PROKR1: variants seen among roughly 807,000 people sequenced by gnomAD.
PROKR1 encodes prokineticin receptor 1, also known as G protein-coupled receptor 73.
PROKR1 carries 21 observed loss-of-function variants against 22.8 expected under a neutral mutation model. The ratio of observed to expected loss-of-function variants is 0.92; its 90% CI spans 0.65 to 1.32. PROKR1 has a LOEUF of 1.32. Ranked by LOEUF, PROKR1 falls within the 40% of genes most tolerant of loss-of-function variation. The pLI is 0.00. For synonymous variants in PROKR1, 193 were observed against 207.5 expected, an observed-to-expected ratio of 0.93 and a Z score of 0.60; for missense variants, 548 against 514.2, an observed-to-expected ratio of 1.07 and a Z score of -0.64.
intron 2 of PROKR1, among the ~76,000 whole-genome samples, chr2:68,651,086 G>A (rs1164470170): frequency 6.6e-6 from 1 of 152,200 alleles, no homozygotes; most frequent in East Asian, 1.9e-4. Context: ...ATGAGGCCAG[G>A]TGTGGTGGCT....
At position 68,645,721 on chromosome 2, in the gene PROKR1, T is replaced by C; in HGVS notation, c.-101T>C. 6.5e-7 allele frequency: 1 copy of C among 1,533,772 alleles called. No homozygotes were observed. Among genetic ancestry groups the C allele is most frequent in the South Asian group, 1.1e-5 (1 of 88,796 alleles). On this transcript the variant is annotated 5_prime_UTR_variant, in exon 2 of 3. Transcript: ENST00000303786. Reference sequence around the variant, plus strand: ...ATGCTGGCAGAGACATTCTGACTCATTAAGGGAGAGCTGGCTGATAGCAGA... The same window carrying C: ...ATGCTGGCAGAGACATTCTGACTCACTAAGGGAGAGCTGGCTGATAGCAGA...
intron 2 of PROKR1, among the ~76,000 whole-genome samples, 157 bp downstream of exon 2, chr2:68,646,463 CAGTG>C (rs1431787571): frequency 6.6e-6 from 1 of 152,242 alleles, no homozygotes; most frequent in African/African-American, 2.4e-5. Flanking sequence ...CATTGACTGA[CAGTG>C]AGAAGAGTTC....
chr2:68,654,083 T>C (rs1238213436), intron 2 of PROKR1, among the ~76,000 whole-genome samples: 1 of 152,160 alleles, frequency 6.6e-6, no homozygotes, highest in East Asian at 1.9e-4. Context: ...CTCCTTTGCA[T>C]GCAAAGCAAC....
At chr2:68,648,412 T>C (rs112068784) in intron 2 of PROKR1, among the ~76,000 whole-genome samples, 1,755 of 152,238 alleles carry the variant, frequency 0.012, 22 homozygotes, top group Non-Finnish European at 0.019. Flanking sequence ...CAAAGGAAAT[T>C]AGATACAATA....
At chr2:68,650,213 TA>T (rs202217275) in intron 2 of PROKR1, among the ~76,000 whole-genome samples, 6,423 of 147,358 alleles carry the variant, frequency 0.044, 157 homozygotes, top group Non-Finnish European at 0.06. Context: ...ACTTAAAGTA[TA>T]AAAAAAAAAG....
At chr2:68,649,245 C>G (rs1268215049) in intron 2 of PROKR1, among the ~76,000 whole-genome samples, 1 of 152,156 alleles carries the variant, frequency 6.6e-6, no homozygotes, top group Non-Finnish European at 1.5e-5. Flanking sequence ...AGGCATCTAA[C>G]CTAGAAGAAA....
chr2:68,652,219 T>G (rs1280085569), intron 2 of PROKR1, among the ~76,000 whole-genome samples: 1 of 152,196 alleles, frequency 6.6e-6, no homozygotes, highest in Non-Finnish European at 1.5e-5. Flanking sequence ...GAGTGGACAT[T>G]GTCACTGTCT....
rs1050177501 is a variant in PROKR1 at position 68,655,292 on chromosome 2, T to G, written c.898T>G (p.Phe300Val). ...CGCCTACGTGCTATGCTGGGCGCCC[T>G]TCTACGGCTTCACCATCGTGCGCGA... ...LTAYVLCWAPFYGFTIVRDFF... is the reference protein window; with the variant it reads ...LTAYVLCWAPVYGFTIVRDFF... Residue 300 changes from phenylalanine (F) to valine (V), a missense_variant, in exon 3 of 3, where the codon TTC becomes GTC. By Grantham distance (50) the Phe-to-Val change is conservative (BLOSUM62 -1). Coordinates refer to ENST00000303786, the MANE Select transcript of PROKR1 (RefSeq NM_138964.4). 1 of 1,614,258 alleles carries G rather than the reference T, an allele frequency of 6.2e-7. No homozygotes were observed. Among genetic ancestry groups the G allele is most frequent in the African/African-American group, 1.3e-5 (1 of 75,078 alleles).
chr2:68,646,764 C>T (rs143938779), intron 2 of PROKR1, among the ~76,000 whole-genome samples: 33 of 152,302 alleles, frequency 2.2e-4, no homozygotes, highest in African/African-American at 7.9e-4. Context: ...GGATTTATGA[C>T]TGGCTGTGGT....
chr2:68,655,178 A>C lies in PROKR1; in HGVS notation c.784A>C (p.Lys262Gln), dbSNP rs371866033. The C allele has an allele frequency of 5.6e-6, 9 of 1,614,132 alleles. No individual in the cohort carries two copies. In the African/African-American group the frequency reaches 1.2e-4, roughly 22 times the overall value. ...YARISRELWF[K>Q]AVPGFQTEQI... Reference sequence around the variant, plus strand: ...CAGGATCTCCCGGGAGCTCTGGTTCAAGGCGGTCCCTGGATTCCAGACAGA... The same window carrying C: ...CAGGATCTCCCGGGAGCTCTGGTTCCAGGCGGTCCCTGGATTCCAGACAGA... Residue 262 changes from lysine (K) to glutamine (Q), a missense_variant, in exon 3 of 3, where the codon AAG becomes CAG. Lys to Gln is a moderately conservative substitution (Grantham distance 53). Coordinates refer to ENST00000303786, the MANE Select transcript of PROKR1 (RefSeq NM_138964.4).
At position 68,658,071 on chromosome 2, in the gene PROKR1, A is replaced by T. The variant is rs1344345486; in HGVS notation, c.*2495A>T. 1 of 152,226 alleles carries T rather than the reference A, an allele frequency of 6.6e-6. No homozygotes were observed. Among genetic ancestry groups the T allele is most frequent in the East Asian group, 1.9e-4 (1 of 5,208 alleles). 9.4% of individuals were successfully genotyped at this position (152,226 alleles called of 1,614,324 possible). A position where few individuals can be genotyped will look rare whatever the true frequency, so the allele number is the denominator to read the frequency against. On this transcript the variant is annotated 3_prime_UTR_variant, in exon 3 of 3. Transcript: ENST00000303786. Reference sequence around the variant, plus strand: ...ATGCTAAACAAGAGTTGATTGTATTAAACAGGAGCTTTTTATATGCGGCAA... The same window carrying T: ...ATGCTAAACAAGAGTTGATTGTATTTAACAGGAGCTTTTTATATGCGGCAA...
At chr2:68,651,542 C>T (rs1011818379) in intron 2 of PROKR1, among the ~76,000 whole-genome samples, 54 of 152,286 alleles carry the variant, frequency 3.5e-4, no homozygotes, top group African/African-American at 1.3e-3. Context: ...TGTGAAGAAG[C>T]TCTCTTCTTC....
intron 2 of PROKR1, among the ~76,000 whole-genome samples, chr2:68,651,657 G>A (rs555322492): frequency 6.6e-6 from 1 of 152,318 alleles, no homozygotes; most frequent in East Asian, 1.9e-4. Flanking sequence ...GGATCAGGTT[G>A]TGTTATCTCT....
In PROKR1 at chr2:68,645,717, C is replaced by A; in HGVS notation, c.-105C>A. On this transcript the variant is annotated 5_prime_UTR_variant, in exon 2 of 3. Transcript: ENST00000303786. ...AAAGATGCTGGCAGAGACATTCTGA[C>A]TCATTAAGGGAGAGCTGGCTGATAG... 1 of 1,495,988 alleles carries A rather than the reference C, an allele frequency of 6.7e-7. No individual in the cohort carries two copies. The highest frequency in any genetic ancestry group is 9.3e-7 in the Non-Finnish European group (1 of 1,079,352). 92.7% of individuals were successfully genotyped at this position (1,495,988 alleles called of 1,614,324 possible). A position where few individuals can be genotyped will look rare whatever the true frequency, so the allele number is the denominator to read the frequency against.
At chr2:68,648,935 G>A (rs1403896766) in intron 2 of PROKR1, among the ~76,000 whole-genome samples, 1 of 152,120 alleles carries the variant, frequency 6.6e-6, no homozygotes, top group Non-Finnish European at 1.5e-5. Context: ...GTATTGGGTT[G>A]CTTTGAGGAT....
chr2:68,647,922 G>C (rs1673225608), intron 2 of PROKR1, among the ~76,000 whole-genome samples: 1 of 152,190 alleles, frequency 6.6e-6, no homozygotes, highest in African/African-American at 2.4e-5. Flanking sequence ...AGGAGCAGGA[G>C]GGGAGCAGTC....
rs1442179008 is a variant in PROKR1, at chr2:68,657,598, G to T, written c.*2022G>T. Reference sequence around the variant, plus strand: ...CATGAATCTGGGCAATGGAATAGTTGTTTCTCAGTCTGTTTTTATTCTCAC... The same window carrying T: ...CATGAATCTGGGCAATGGAATAGTTTTTTCTCAGTCTGTTTTTATTCTCAC... On this transcript the variant is annotated 3_prime_UTR_variant, in exon 3 of 3. Coordinates refer to ENST00000303786, the MANE Select transcript of PROKR1 (RefSeq NM_138964.4). The T allele has an allele frequency of 6.6e-6, 1 of 152,180 alleles. No individual in the cohort carries two copies. The highest frequency in any genetic ancestry group is 1.5e-5 in the Non-Finnish European group (1 of 68,044). The allele number at this position is 152,180 out of a possible 1,614,324, so 9.4% of individuals were successfully genotyped here.
intron 2 of PROKR1, among the ~76,000 whole-genome samples, chr2:68,651,085 G>T (rs968963759): frequency 1.3e-5 from 2 of 152,196 alleles, no homozygotes; most frequent in African/African-American, 4.8e-5. Context: ...AATGAGGCCA[G>T]GTGTGGTGGC....
Position 68,654,376 on chromosome 2 carries a change from C to A in PROKR1, c.486-504C>A, listed in dbSNP as rs138216950. Among the ~76,000 whole-genome samples the A allele has an allele frequency of 5.2e-3, 795 of 152,224 alleles. 3 individuals carry two copies. Among genetic ancestry groups the A allele is most frequent in the African/African-American group, 0.018 (755 of 41,516 alleles). ...ATTATCACATTTAATATTTAACAGC[C>A]AACAATACTTGTGCAGATAAGGAAA... On this transcript the variant is annotated intron_variant, in intron 2 of 2. Coordinates refer to ENST00000303786, the MANE Select transcript of PROKR1 (RefSeq NM_138964.4).
Sources: allele counts gnomAD v4.1 joint callset (sites outside exome capture counted in the v4.1 genomes callset), GRCh38; gene constraint gnomAD v4.1.1; transcripts MANE v1.5; gene names NCBI Gene and HGNC (gene_info 2026-07-23, HGNC 2026-07-21).